Variants in SHOX observed in about 807,000 individuals in gnomAD.
SHOX encodes short stature homeobox protein.
SHOX carries 12 observed loss-of-function variants against 29.6 expected under a neutral mutation model. The observed-to-expected ratio is 0.41, with a 90% CI of 0.26 to 0.66. The LOEUF (loss-of-function observed/expected upper bound fraction) is 0.66. Ranked by LOEUF, SHOX falls within the 30% of genes least tolerant of loss-of-function variation. The pLI, the probability that SHOX is intolerant of heterozygous loss-of-function variation, is 0.35. For synonymous variants in SHOX, 214 were observed against 200.6 expected (o/e 1.07, Z -0.57); for missense variants, 499 against 437.7 (o/e 1.14, Z -1.25).
At chrX:634,375 G>A (rs1463472026) in intron 1 of SHOX, among the ~76,000 whole-genome samples, 2 of 152,212 alleles carry the variant, frequency 1.3e-5, no homozygotes, top group Non-Finnish European at 2.9e-5. Context: ...CAGAGGTGAA[G>A]TGGATAATTG....
rs1369309485 is a variant in SHOX at position 641,040 on chromosome X, G to A, written c.586G>A (p.Val196Met). The A allele has an allele frequency of 3.7e-6, 6 of 1,613,718 alleles. No homozygotes were observed. The highest frequency in any genetic ancestry group is 1.7e-5 in the Admixed American group (1 of 59,980). ...GTANHLDACR[V>M]APYVNMGALR... Reference sequence around the variant, plus strand: ...AGCCAACCACCTAGACGCCTGCCGAGTGGCACCCTACGTCAACATGGGAGC... The same window carrying A: ...AGCCAACCACCTAGACGCCTGCCGAATGGCACCCTACGTCAACATGGGAGC... The change falls in exon 4 of 5, where the codon GTG becomes ATG. Residue 196 changes from valine to methionine, a missense_variant. Coordinates refer to ENST00000686671, the MANE Select transcript of SHOX (RefSeq NM_000451.4).
At chrX:627,792 G>A (rs985645113), upstream of SHOX, among the ~76,000 whole-genome samples, 1 of 152,146 alleles carries the variant, frequency 6.6e-6, no homozygotes, top group African/African-American at 2.4e-5. Context: ...CTCAGGTCGG[G>A]GAAAGCCTGG....
At chrX:642,616 T>C (rs1025319278) in intron 4 of SHOX, among the ~76,000 whole-genome samples, 1 of 152,162 alleles carries the variant, frequency 6.6e-6, no homozygotes, top group African/African-American at 2.4e-5. Flanking sequence ...CTACTTCTTG[T>C]ACCGTCTTTT....
At chrX:627,633 C>T (rs1393010023), upstream of SHOX, among the ~76,000 whole-genome samples, 1 of 151,868 alleles carries the variant, frequency 6.6e-6, no homozygotes, top group Non-Finnish European at 1.5e-5. Flanking sequence ...GAAAAAGGGC[C>T]TTTGCTTTTT....
At chrX:654,402 C>G (rs150127369), downstream of SHOX, among the ~76,000 whole-genome samples, 556 of 151,982 alleles carry the variant, frequency 3.7e-3, 3 homozygotes, top group African/African-American at 0.013. Context: ...CTTCAAGAGA[C>G]TCACCTAACA....
intron 4 of SHOX, among the ~76,000 whole-genome samples, chrX:642,016 C>T (rs1025281225): frequency 3.9e-5 from 6 of 152,224 alleles, no homozygotes; most frequent in Non-Finnish European, 7.3e-5. Flanking sequence ...GAGTGAGCAG[C>T]GCTTGGGTGC....
intron 2 of SHOX, among the ~76,000 whole-genome samples, chrX:636,970 A>AT (rs1251736014): frequency 7.6e-4 from 105 of 137,332 alleles, no homozygotes; most frequent in African/African-American, 2.1e-3. Flanking sequence ...ATATATATAT[A>AT]TTTTGGCTCC....
chrX:644,344 C>G (rs1188122667), intron 4 of SHOX, 47 bp from the exon 5 acceptor site: 7 of 1,502,096 alleles, frequency 4.7e-6, no homozygotes, highest in Non-Finnish European at 6.2e-6. Flanking sequence ...GAGCAGGCCC[C>G]CCAGTCCCCA....
chrX:654,602 TA>T (rs1449076722), downstream of SHOX, among the ~76,000 whole-genome samples: 1 of 123,800 alleles, frequency 8.1e-6, no homozygotes, highest in East Asian at 1.9e-4. Flanking sequence ...TTATAACAAT[TA>T]AAAAAAGTCA....
intron 1 of SHOX, among the ~76,000 whole-genome samples, chrX:631,652 C>T (rs1313339821): frequency 1.3e-5 from 2 of 152,226 alleles, no homozygotes; most frequent in Non-Finnish European, 2.9e-5. Flanking sequence ...CTGCCTCAGC[C>T]TCCCCAGTAG....
intron 2 of SHOX, 61 bp from the exon 3 acceptor site, chrX:640,760 C>G: frequency 6.3e-7 from 1 of 1,589,538 alleles, no homozygotes; most frequent in Non-Finnish European, 8.6e-7. Flanking sequence ...GAAGGATGCT[C>G]CCTGGGGAGG....
At chrX:637,344 C>T (rs1181879884) in intron 2 of SHOX, among the ~76,000 whole-genome samples, 1 of 151,734 alleles carries the variant, frequency 6.6e-6, no homozygotes, top group Non-Finnish European at 1.5e-5. Context: ...GCAATATATC[C>T]CAGCCCTTGA....
At position 651,389 on chromosome X, in the gene SHOX, G is replaced by GA. The variant is rs757605467; in HGVS notation, c.*6761dup. On this transcript the variant is annotated 3_prime_UTR_variant, in exon 5 of 5. Coordinates refer to ENST00000686671, the MANE Select transcript of SHOX (RefSeq NM_000451.4). ...TATTGTCGGCAGGCGGTGAGGGGTA[G>GA]AAAAAAAACAAACAAACAAACAGAA... is the stretch of plus-strand genomic sequence containing the variant. The GA allele has an allele frequency of 4.6e-5, 20 of 431,170 alleles. No homozygotes were observed. In the Middle Eastern group the frequency reaches 9.9e-4, roughly 21 times the overall value. 26.7% of individuals were successfully genotyped at this position (431,170 alleles called of 1,614,324 possible). A position where few individuals can be genotyped will look rare whatever the true frequency, so the allele number is the denominator to read the frequency against.
rs1484848028 is a variant in SHOX at position 631,482 on chromosome X, G to A, written c.277+308G>A. On this transcript the variant is annotated intron_variant, in intron 1 of 4. Transcript: ENST00000686671. ...GATCCGGGTGGCTGTGCCTGAAGCC[G>A]TAGGGCCTGAGATGTCTTTTTCATT... Among the ~76,000 whole-genome samples, 5 of 152,260 alleles carry A rather than the reference G, an allele frequency of 3.3e-5. No homozygotes were observed. The East Asian group carries it at 5.8e-4, about 18-fold the overall frequency.
downstream of SHOX, among the ~76,000 whole-genome samples, chrX:655,709 G>A (rs918833764): frequency 2.7e-5 from 4 of 149,544 alleles, no homozygotes; most frequent in African/African-American, 9.9e-5. Flanking sequence ...TTCCCCTTGG[G>A]AAAGTGAAAT....
intron 4 of SHOX, among the ~76,000 whole-genome samples, chrX:644,010 G>A (rs1206165683): frequency 1.5e-5 from 1 of 68,460 alleles, no homozygotes; most frequent in Non-Finnish European, 3.6e-5. Context: ...GAGAGGCTTG[G>A]GGACCTGGTG....
At chrX:628,311 C>CCA, upstream of SHOX, among the ~76,000 whole-genome samples, 1 of 151,200 alleles carries the variant, frequency 6.6e-6, no homozygotes, top group Non-Finnish European at 1.5e-5. Context: ...ATCTCTTTCT[C>CCA]TGTCTCTCCT....
At chrX:654,978 G>T (rs35889321), downstream of SHOX, among the ~76,000 whole-genome samples, 12,978 of 151,978 alleles carry the variant, frequency 0.085, 783 homozygotes, top group Admixed American at 0.17. Flanking sequence ...GTGAGCCACC[G>T]CGCCTGGCCC....
rs768065391 is a variant in SHOX, at chrX:638,845, C to T, written c.487-1976C>T. Among the ~76,000 whole-genome samples the T allele has an allele frequency of 2.8e-4, 42 of 152,362 alleles. No homozygotes were observed. The South Asian group carries it at 5.6e-3, about 20-fold the overall frequency. On this transcript the variant is annotated intron_variant, in intron 2 of 4. Transcript: ENST00000686671. ...CAGCCGGAGTGACTGGTTCACTCACCGCCTTGGCGGAGGACGCCTGTTCTC... is the reference window on the plus strand; with the variant it reads ...CAGCCGGAGTGACTGGTTCACTCACTGCCTTGGCGGAGGACGCCTGTTCTC...
Sources: gnomAD v4.1 joint callset for allele counts (sites outside exome capture counted in the v4.1 genomes callset) on GRCh38, gnomAD v4.1.1 for gene constraint, MANE v1.5 for transcripts, NCBI Gene and HGNC (gene_info 2026-07-23, HGNC 2026-07-21) for gene names.